Variants in CSMD1 observed in about 807,000 individuals in gnomAD.
CSMD1 encodes the protein CUB and Sushi multiple domains 1, also known as CUB and sushi domain-containing protein 1.
Under a neutral mutation model 417.5 loss-of-function variants are expected in CSMD1, and 213 were observed. The ratio of observed to expected loss-of-function variants is 0.51; its 90% CI spans 0.46 to 0.57. The LOEUF is 0.57. Ranked by LOEUF, CSMD1 falls within the 20% of genes least tolerant of loss-of-function variation. CSMD1 has a pLI of 0.00. For missense variants in CSMD1, 6,923 were observed against 4,529.7 expected, an observed-to-expected ratio of 1.53 and a Z score of -15.17; for synonymous variants, 2,862 against 1,736.8, an observed-to-expected ratio of 1.65 and a Z score of -16.11.
intron 2 of CSMD1, among the ~76,000 whole-genome samples, chr8:4,453,208 CACACAGAG>C (rs1799255378): frequency 9.7e-6 from 1 of 102,570 alleles, no homozygotes; most frequent in Non-Finnish European, 2.2e-5. Context: ...CACACAGACA[CACACAGAG>C]ACACACACAC....
chr8:3,793,530 C>T (rs2129068592), intron 5 of CSMD1, among the ~76,000 whole-genome samples: 1 of 150,738 alleles, frequency 6.6e-6, no homozygotes, highest in South Asian at 2.2e-4. Flanking sequence ...TGGATTCGAT[C>T]TCTGGGCTTC....
chr8:3,459,134 C>G (rs1166776158), intron 12 of CSMD1, among the ~76,000 whole-genome samples: 1 of 152,236 alleles, frequency 6.6e-6, no homozygotes, highest in Non-Finnish European at 1.5e-5. Flanking sequence ...TGTGCTACAG[C>G]ACCCTGTGGC....
chr8:4,009,284 C>G (rs1383761970), intron 4 of CSMD1, among the ~76,000 whole-genome samples: 2 of 152,182 alleles, frequency 1.3e-5, no homozygotes, highest in Non-Finnish European at 2.9e-5. Flanking sequence ...GTGTATTTCT[C>G]AACTCTAGAA....
At chr8:4,211,715 C>T (rs1377582369) in intron 3 of CSMD1, among the ~76,000 whole-genome samples, 2 of 152,176 alleles carry the variant, frequency 1.3e-5, no homozygotes, top group Non-Finnish European at 2.9e-5. Flanking sequence ...AGCAACCTGA[C>T]TTTGCAAGTG....
intron 1 of CSMD1, among the ~76,000 whole-genome samples, chr8:4,640,862 TAAAAAA>T (rs58055126): frequency 7.7e-6 from 1 of 129,702 alleles, no homozygotes; most frequent in Non-Finnish European, 1.7e-5. Flanking sequence ...TAATTATTGC[TAAAAAA>T]AAAAAAAAAA....
intron 5 of CSMD1, among the ~76,000 whole-genome samples, chr8:3,859,771 T>A (rs552995727): frequency 1.3e-5 from 2 of 152,148 alleles, no homozygotes; most frequent in Non-Finnish European, 2.9e-5. Context: ...TGAATACTGC[T>A]GCATACTTAT....
At chr8:3,485,560 G>GAGAC (rs1554439253) in intron 11 of CSMD1, among the ~76,000 whole-genome samples, 4 of 150,200 alleles carry the variant, frequency 2.7e-5, no homozygotes, top group African/African-American at 7.4e-5. Context: ...GAGAGAGAGA[G>GAGAC]AGAGGGAGAG....
chr8:4,032,293 T>C (rs1314811218), intron 3 of CSMD1, among the ~76,000 whole-genome samples, 194 bp from the exon 4 acceptor site: 4 of 152,334 alleles, frequency 2.6e-5, no homozygotes, highest in Admixed American at 1.3e-4. Flanking sequence ...TATAACACTT[T>C]TATAAACATC....
rs372491466 is a variant in CSMD1 at position 3,259,390 on chromosome 8, C to G, written c.4153+24754G>C. 7.2e-5 allele frequency among the ~76,000 whole-genome samples: 11 copies of G among 151,896 alleles called. No homozygotes were observed. The South Asian group carries it at 1.3e-3, about 17-fold the overall frequency. On this transcript the variant is annotated intron_variant, in intron 26 of 69. Transcript: ENST00000635120. ...TCTCAGCATGGAGGCTGCAGGTTTA[C>G]GGACACTCAGTAATCCTGATGGCCT... is the stretch of plus-strand genomic sequence containing the variant.
At chr8:3,723,750 C>T (rs1370747888) in intron 6 of CSMD1, among the ~76,000 whole-genome samples, 2 of 152,114 alleles carry the variant, frequency 1.3e-5, no homozygotes, top group African/African-American at 4.8e-5. Context: ...TTTTTAGATA[C>T]AGACACTAAC....
At chr8:3,661,639 G>C (rs954229530) in intron 7 of CSMD1, among the ~76,000 whole-genome samples, 10 of 152,096 alleles carry the variant, frequency 6.6e-5, no homozygotes, top group African/African-American at 2.4e-4. Context: ...TGGCATTACA[G>C]GTATCCACCA....
chr8:4,156,031 C>T lies in CSMD1; in HGVS notation c.416-123932G>A, dbSNP rs372481335. ...GAGTCACAGACCCAGTGGCCTGGTT[C>T]CTCAGATGAGCTCCATAGATTCCTA... On this transcript the variant is annotated intron_variant, in intron 3 of 69. Coordinates refer to ENST00000635120, the MANE Select transcript of CSMD1 (RefSeq NM_033225.6). 7.0e-4 allele frequency among the ~76,000 whole-genome samples: 107 copies of T among 152,182 alleles called. 4 individuals carry two copies. In the South Asian group the frequency reaches 0.021, roughly 30 times the overall value.
intron 5 of CSMD1, among the ~76,000 whole-genome samples, chr8:3,828,767 G>C (rs971147804): frequency 6.6e-6 from 1 of 152,094 alleles, no homozygotes; most frequent in Non-Finnish European, 1.5e-5. Flanking sequence ...GTGAGGTCCT[G>C]TCACTTCCTC....
intron 3 of CSMD1, among the ~76,000 whole-genome samples, chr8:4,035,777 C>T (rs1000375989): frequency 8.5e-5 from 13 of 152,216 alleles, no homozygotes; most frequent in Non-Finnish European, 1.8e-4. Context: ...TTATACTAAG[C>T]TTAATTTATG....
At chr8:3,489,629 C>A (rs1328332736) in intron 11 of CSMD1, among the ~76,000 whole-genome samples, 1 of 152,192 alleles carries the variant, frequency 6.6e-6, no homozygotes, top group Non-Finnish European at 1.5e-5. Context: ...GTTCCTTCAA[C>A]CACCTCTCAG....
intron 1 of CSMD1, among the ~76,000 whole-genome samples, chr8:4,861,844 G>C (rs1015346286): frequency 6.6e-6 from 1 of 152,070 alleles, no homozygotes; most frequent in African/African-American, 2.4e-5. Context: ...ATATGTGTGA[G>C]AAACAATGGT....
At chr8:3,620,689 C>G (rs1193187265) in intron 7 of CSMD1, among the ~76,000 whole-genome samples, 1 of 152,054 alleles carries the variant, frequency 6.6e-6, no homozygotes, top group Non-Finnish European at 1.5e-5. Flanking sequence ...AAGACAATCA[C>G]AACGTGACAC....
intron 1 of CSMD1, among the ~76,000 whole-genome samples, chr8:4,870,587 G>C (rs1184814398): frequency 6.6e-6 from 1 of 152,066 alleles, no homozygotes; most frequent in Non-Finnish European, 1.5e-5. Flanking sequence ...AATCAGAGCA[G>C]GAGGCAAGCT....
intron 1 of CSMD1, among the ~76,000 whole-genome samples, chr8:4,831,082 G>C (rs905353203): frequency 2.0e-5 from 3 of 152,136 alleles, no homozygotes; most frequent in Admixed American, 6.5e-5. Flanking sequence ...CAAAGTGGGA[G>C]GGATGTTTTT....
Sources: allele counts gnomAD v4.1 joint callset (sites outside exome capture counted in the v4.1 genomes callset), GRCh38; gene constraint gnomAD v4.1.1; transcripts MANE v1.5; gene names NCBI Gene and HGNC (gene_info 2026-07-23, HGNC 2026-07-21).